FRMD4A: variants seen among roughly 807,000 people sequenced by gnomAD.
The protein encoded by FRMD4A is FERM domain containing 4A, also known as FERM domain-containing protein 4A.
In FRMD4A, 29 loss-of-function variants were observed where a neutral mutation model predicts 129.1. The ratio of observed to expected loss-of-function variants is 0.22; its 90% CI spans 0.17 to 0.31. The LOEUF is 0.31. Ranked by LOEUF, FRMD4A falls within the 10% of genes least tolerant of loss-of-function variation. The probability of loss-of-function intolerance (pLI) is 1.00; values close to 1 mark genes in which losing one functional copy is unlikely to be tolerated. For missense variants in FRMD4A, 1,272 were observed against 1,375.8 expected (o/e 0.92, Z 1.19); for synonymous variants, 634 against 571.6 (o/e 1.11, Z -1.56).
intron 15 of FRMD4A, among the ~76,000 whole-genome samples, chr10:13,679,613 T>G (rs1390476748): frequency 6.6e-6 from 1 of 150,806 alleles, no homozygotes; most frequent in African/African-American, 2.4e-5. Context: ...GCTATTCTTA[T>G]CCTATTCCAC....
chr10:14,103,120 C>T (rs1159061050), intron 2 of FRMD4A, among the ~76,000 whole-genome samples: 1 of 152,236 alleles, frequency 6.6e-6, no homozygotes, highest in Non-Finnish European at 1.5e-5. Context: ...CTCTCCGTCA[C>T]ATAGGTGCCT....
chr10:13,647,909 C>T (rs867474126), intron 24 of FRMD4A: 14 of 152,126 alleles, frequency 9.2e-5, no homozygotes, highest in African/African-American at 3.1e-4. Flanking sequence ...TTGAATTCCT[C>T]TCCTGCAACT....
intron 2 of FRMD4A, among the ~76,000 whole-genome samples, chr10:14,055,113 G>A (rs1834445498): frequency 1.3e-5 from 2 of 152,000 alleles, no homozygotes; most frequent in Admixed American, 1.3e-4. Flanking sequence ...GATGGGAGGT[G>A]AGAGCACTGA....
chr10:14,121,332 C>T (rs1838503075), intron 2 of FRMD4A, among the ~76,000 whole-genome samples: 1 of 152,222 alleles, frequency 6.6e-6, no homozygotes, highest in Non-Finnish European at 1.5e-5. Flanking sequence ...CGCACTACTG[C>T]ACTCCAGCCT....
chr10:13,735,691 T>G (rs1282148930), intron 12 of FRMD4A, among the ~76,000 whole-genome samples: 1 of 152,240 alleles, frequency 6.6e-6, no homozygotes, highest in Non-Finnish European at 1.5e-5. Context: ...AGATTTCAAC[T>G]GCTGGATTTT....
intron 2 of FRMD4A, among the ~76,000 whole-genome samples, chr10:14,039,302 T>A (rs1433761124): frequency 2.0e-5 from 3 of 152,154 alleles, no homozygotes; most frequent in African/African-American, 7.2e-5. Flanking sequence ...TTTTCACATC[T>A]AAAAATTTGC....
intron 2 of FRMD4A, among the ~76,000 whole-genome samples, chr10:14,266,436 T>C (rs927394876): frequency 6.6e-6 from 1 of 152,148 alleles, no homozygotes; most frequent in Non-Finnish European, 1.5e-5. Flanking sequence ...ATTGAACTAC[T>C]AGATGAAGTA....
chr10:13,679,161 C>T (rs561788089), intron 15 of FRMD4A, among the ~76,000 whole-genome samples: 163 of 151,600 alleles, frequency 1.1e-3, no homozygotes, highest in Non-Finnish European at 2.0e-3. Context: ...CGGTGGCTCA[C>T]GCTTGTAATC....
At chr10:14,116,823 C>T (rs1293013797) in intron 2 of FRMD4A, among the ~76,000 whole-genome samples, 1 of 152,230 alleles carries the variant, frequency 6.6e-6, no homozygotes, top group African/African-American at 2.4e-5. Flanking sequence ...TGGCTATTGG[C>T]CTAGCAAAGC....
rs537303857 is a variant in FRMD4A, at chr10:13,678,416, T to C, written c.1118-3372A>G. Among the ~76,000 whole-genome samples the C allele has an allele frequency of 4.6e-5, 7 of 152,334 alleles. No individual in the cohort carries two copies. In the South Asian group the frequency reaches 1.2e-3, roughly 27 times the overall value. On this transcript the variant is annotated intron_variant, in intron 15 of 24. Transcript: ENST00000357447. ...ACTGTGGCGGTAACTGGATGGTGGA[T>C]AGAGGGTAAAACAGATCTGAGTTTG...
At chr10:13,991,763 A>G (rs938789930) in intron 2 of FRMD4A, 3 of 152,774 alleles carry the variant, frequency 2.0e-5, no homozygotes, top group East Asian at 1.9e-4. Context: ...ACAGAAAGTA[A>G]CACACACAGA....
chr10:13,701,694 C>T (rs754746791), intron 13 of FRMD4A, among the ~76,000 whole-genome samples: 6 of 152,206 alleles, frequency 3.9e-5, no homozygotes, highest in Non-Finnish European at 7.3e-5. Context: ...GATTTTCTGA[C>T]TCCCTAGAGT....
At chr10:14,205,057 CTTTCT>C (rs141620448) in intron 2 of FRMD4A, among the ~76,000 whole-genome samples, 70,140 of 118,564 alleles carry the variant, frequency 0.59, 17,909 homozygotes, top group Middle Eastern at 0.7. Flanking sequence ...TTTTTCTTTT[CTTTCT>C]TTTTTTTTTT....
intron 2 of FRMD4A, among the ~76,000 whole-genome samples, chr10:14,117,910 T>A (rs1357265589): frequency 6.6e-6 from 1 of 151,718 alleles, no homozygotes; most frequent in Non-Finnish European, 1.5e-5. Flanking sequence ...TGCAGAGAGG[T>A]GTTTATCTGT....
intron 2 of FRMD4A, among the ~76,000 whole-genome samples, chr10:14,101,235 T>C (rs1837283707): frequency 6.6e-6 from 1 of 152,250 alleles, no homozygotes. Context: ...GTCAATATTA[T>C]AGCACATGAC....
At chr10:14,109,987 CA>C (rs113296482) in intron 2 of FRMD4A, among the ~76,000 whole-genome samples, 2,693 of 117,402 alleles carry the variant, frequency 0.023, 28 homozygotes, top group African/African-American at 0.054. Context: ...CCAAACCCAC[CA>C]AAAAAAAAAA....
chr10:13,940,522 A>G (rs977499179), intron 2 of FRMD4A, among the ~76,000 whole-genome samples: 1 of 152,152 alleles, frequency 6.6e-6, no homozygotes, highest in Non-Finnish European at 1.5e-5. Context: ...TCTTGTATTA[A>G]AATTAGATTT....
chr10:14,282,690 C>G (rs1465369837), intron 2 of FRMD4A, among the ~76,000 whole-genome samples: 1 of 152,144 alleles, frequency 6.6e-6, no homozygotes, highest in Non-Finnish European at 1.5e-5. Flanking sequence ...ATCAATGGAG[C>G]TTAGACTCCA....
chr10:13,797,177 C>T (rs1426829233), intron 4 of FRMD4A, among the ~76,000 whole-genome samples: 1 of 152,122 alleles, frequency 6.6e-6, no homozygotes, highest in Admixed American at 6.5e-5. Flanking sequence ...AACACTGAAA[C>T]GAAAATGTAA....
Sources: gnomAD v4.1 joint callset for allele counts (sites outside exome capture counted in the v4.1 genomes callset) on GRCh38, gnomAD v4.1.1 for gene constraint, MANE v1.5 for transcripts, NCBI Gene and HGNC (gene_info 2026-07-23, HGNC 2026-07-21) for gene names.